C4orf50: variants seen among roughly 807,000 people sequenced by gnomAD.
C4orf50 encodes the protein uncharacterized protein C4orf50.
A neutral mutation model predicts 77.2 loss-of-function variants in C4orf50; 80 were observed. That is an observed-to-expected ratio of 1.04 (90% CI 0.87 to 1.25). The LOEUF (loss-of-function observed/expected upper bound fraction) is 1.25. C4orf50 is among the 50% of genes most tolerant of loss of function. The pLI is 0.00. For synonymous variants in C4orf50, 532 were observed against 465.3 expected (o/e 1.14, Z -1.84); for missense variants, 1,257 against 1,152.9 (o/e 1.09, Z -1.31).
exon 26 of C4orf50, chr4:5,994,450 G>A (rs879511383): frequency 7.3e-5 from 29 of 399,084 alleles, no homozygotes; most frequent in Non-Finnish European, 1.1e-4. Flanking sequence ...GGGGCAGTGA[G>A]TCACCCTGAA....
rs1722484737 is a variant in C4orf50, at chr4:6,011,295, A to G, written c.426+535T>C. Among the ~76,000 whole-genome samples, 1 of 152,076 alleles carries G rather than the reference A, an allele frequency of 6.6e-6. No individual in the cohort carries two copies. On this transcript the variant is annotated intron_variant, in intron 24 of 33. Coordinates refer to ENST00000531445, the Ensembl canonical transcript of C4orf50. The surrounding 1 kb of genome is among the most constrained non-coding windows in gnomAD (Gnocchi z 4.2). Reference sequence around the variant, plus strand: ...TTTCCGACTCACCCACTCCGTCCCCAGCACGGTGATATCCTCTGTGTTCTC... The same window carrying G: ...TTTCCGACTCACCCACTCCGTCCCCGGCACGGTGATATCCTCTGTGTTCTC...
Position 5,984,234 on chromosome 4 carries a change from A to C in C4orf50, c.3700-3896T>G, listed in dbSNP as rs114710881. Reference sequence around the variant, plus strand: ...TTCACTCAACATTCTTTGGAGAAAGACAATAATCAGGAATCTTCATAAAAT... The same window carrying C: ...TTCACTCAACATTCTTTGGAGAAAGCCAATAATCAGGAATCTTCATAAAAT... On this transcript the variant is annotated intron_variant, in intron 28 of 33. Transcript: ENST00000531445. Among the ~76,000 whole-genome samples, 1,333 of 152,372 alleles carry C rather than the reference A, an allele frequency of 8.7e-3. 10 individuals carry two copies. Among genetic ancestry groups the C allele is most frequent in the Middle Eastern group, 0.02 (6 of 294 alleles).
Position 6,018,104 on chromosome 4 carries a change from T to C in C4orf50, c.287+41A>G, listed in dbSNP as rs554732837. The C allele has an allele frequency of 5.0e-6, 2 of 398,208 alleles. No homozygotes were observed. The highest frequency in any genetic ancestry group is 1.4e-4 in the South Asian group (1 of 7,392). 24.7% of individuals were successfully genotyped at this position (398,208 alleles called of 1,614,324 possible). On this transcript the variant is annotated intron_variant, in intron 23 of 33. Transcript: ENST00000531445. This position sits in a 1 kb window ranked among gnomAD's most constrained non-coding sequence, Gnocchi z 5.1. ...GTGACACACTCTGATGGCCCCGCGG[T>C]TTGTGAAATACACACAGAGAGATCA... is the stretch of plus-strand genomic sequence containing the variant.
intron 29 of C4orf50, among the ~76,000 whole-genome samples, chr4:5,977,241 A>G (rs1252227355): frequency 6.6e-6 from 1 of 152,184 alleles, no homozygotes; most frequent in Non-Finnish European, 1.5e-5. Context: ...TTCTGGACCC[A>G]TAAGATACAA....
chr4:6,013,235 G>A (rs1722554671), intron 23 of C4orf50, among the ~76,000 whole-genome samples: 1 of 152,182 alleles, frequency 6.6e-6, no homozygotes, highest in South Asian at 2.1e-4. Context: ...TGGCAGACCA[G>A]AGTGTGCTCT....
chr4:5,975,513 T>C (rs2108777033), intron 30 of C4orf50, among the ~76,000 whole-genome samples: 1 of 152,000 alleles, frequency 6.6e-6, no homozygotes, highest in South Asian at 2.1e-4. Flanking sequence ...TTGTTTTGTT[T>C]TGTTTTGTTT....
intron 7 of C4orf50, among the ~76,000 whole-genome samples, chr4:5,934,165 C>T (rs1451646665): frequency 1.3e-5 from 2 of 152,094 alleles, no homozygotes; most frequent in African/African-American, 4.8e-5. Flanking sequence ...GTGAGCAGCT[C>T]ACTGGATGGC....
In C4orf50 at chr4:5,932,053, G is replaced by GC. The variant is rs1717792342; in HGVS notation, c.*2474+24847dup. Among the ~76,000 whole-genome samples, 1 of 58,010 alleles carries GC rather than the reference G, an allele frequency of 1.7e-5. No homozygotes were observed. Among genetic ancestry groups the GC allele is most frequent in the Non-Finnish European group, 3.5e-5 (1 of 28,744 alleles). The allele number at this position is 58,010 out of a possible 152,430, so 38.1% of individuals were successfully genotyped here. A position where few individuals can be genotyped will look rare whatever the true frequency, so the allele number is the denominator to read the frequency against. ...GCTAAGCTCTTCCCAACGCCCCCCC[G>GC]CCCCCCACCCCTGCCAACTGTCTCT... On this transcript the variant is annotated intron_variant, in intron 7 of 7. Transcript: ENST00000324058. This position sits in a 1 kb window ranked among gnomAD's most constrained non-coding sequence, Gnocchi z 4.2.
At chr4:5,907,143 T>C (rs73065545) in intron 7 of C4orf50, among the ~76,000 whole-genome samples, 2,557 of 152,296 alleles carry the variant, frequency 0.017, 49 homozygotes, top group African/African-American at 0.057. Flanking sequence ...AGCAACAAGT[T>C]AAGCTTGTAG....
intron 7 of C4orf50, among the ~76,000 whole-genome samples, chr4:5,915,274 A>G (rs1716982599): frequency 6.6e-6 from 1 of 152,132 alleles, no homozygotes; most frequent in South Asian, 2.1e-4. Context: ...CATTTTGTCC[A>G]CACGCTTTAA....
chr4:6,012,659 A>G (rs544319795), intron 23 of C4orf50, among the ~76,000 whole-genome samples: 1 of 152,310 alleles, frequency 6.6e-6, no homozygotes, highest in African/African-American at 2.4e-5. Flanking sequence ...CACTGGGGCT[A>G]TGTCACAAGC....
intron 7 of C4orf50, among the ~76,000 whole-genome samples, chr4:5,930,055 T>C (rs1056951724): frequency 5.3e-5 from 8 of 152,198 alleles, no homozygotes; most frequent in Non-Finnish European, 8.8e-5. Context: ...CTAGGCATGA[T>C]GACAACCAGG....
At chr4:5,938,799 T>TC (rs1391387605) in intron 7 of C4orf50, among the ~76,000 whole-genome samples, 1 of 151,942 alleles carries the variant, frequency 6.6e-6, no homozygotes, top group Non-Finnish European at 1.5e-5. Context: ...TCTTTTCTTT[T>TC]TTTTTTTTAT....
intron 28 of C4orf50, among the ~76,000 whole-genome samples, chr4:5,982,612 G>A (rs1330273541): frequency 6.6e-6 from 1 of 152,134 alleles, no homozygotes; most frequent in African/African-American, 2.4e-5. Context: ...TGGGTTGGGG[G>A]GACAGTACCA....
rs1048240137 is a variant in C4orf50 at position 5,905,695 on chromosome 4, C to T, written c.*2475-7507G>A. Among the ~76,000 whole-genome samples, 2 of 152,202 alleles carry T rather than the reference C, an allele frequency of 1.3e-5. No individual in the cohort carries two copies. Among genetic ancestry groups the T allele is most frequent in the African/African-American group, 4.8e-5 (2 of 41,452 alleles). ...TATTTGGGGTGCTTCAGACCCTTGA[C>T]ATGATATGGAAATTTTATGTTACTA... On this transcript the variant is annotated intron_variant, in intron 7 of 7. Transcript: ENST00000324058. The surrounding 1 kb of genome is among the most constrained non-coding windows in gnomAD (Gnocchi z 5.4).
chr4:5,984,849 C>G (rs1275726471), intron 28 of C4orf50, among the ~76,000 whole-genome samples: 2 of 138,802 alleles, frequency 1.4e-5, no homozygotes, highest in East Asian at 4.2e-4. Context: ...GTTCAAGAAG[C>G]TAAAAAAAAA....
At chr4:6,013,026 C>A (rs924646093) in intron 23 of C4orf50, among the ~76,000 whole-genome samples, 1 of 152,232 alleles carries the variant, frequency 6.6e-6, no homozygotes, top group Non-Finnish European at 1.5e-5. Flanking sequence ...GCTGGCTCTG[C>A]CATTCACCAG....
chr4:5,906,882 A>T (rs1017727194), intron 7 of C4orf50, among the ~76,000 whole-genome samples: 5 of 152,234 alleles, frequency 3.3e-5, no homozygotes, highest in African/African-American at 9.6e-5. Context: ...CTTGAAGCTT[A>T]TAAGACCATT....
exon 28 of C4orf50, chr4:5,988,647 C>T (rs970916653): frequency 2.0e-6 from 3 of 1,536,120 alleles, no homozygotes; most frequent in Non-Finnish European, 2.6e-6. Flanking sequence ...TCACCTGCAC[C>T]TCTTTGTCTA....
Sources: allele counts gnomAD v4.1 joint callset (sites outside exome capture counted in the v4.1 genomes callset), GRCh38; gene constraint gnomAD v4.1.1; non-coding constraint Gnocchi (gnomAD v3.1); transcripts MANE v1.5; gene names NCBI Gene and HGNC (gene_info 2026-07-23, HGNC 2026-07-21).